The following PPM1D variants were observed in gnomAD, a reference collection of about 807,000 sequenced individuals.
PPM1D encodes the protein protein phosphatase, Mg2+/Mn2+ dependent 1D, also known as protein phosphatase 1D.
In PPM1D, 52 loss-of-function variants were observed where a neutral mutation model predicts 58.3. That is an observed-to-expected ratio of 0.89 (90% CI 0.71 to 1.12). The LOEUF (loss-of-function observed/expected upper bound fraction) is 1.12, where lower values mean the gene tolerates loss of function less well. Ranked by LOEUF, PPM1D falls within the 50% of genes most tolerant of loss-of-function variation. The probability of loss-of-function intolerance (pLI) is 0.00; values close to 1 mark genes in which losing one functional copy is unlikely to be tolerated. For missense variants in PPM1D, 564 were observed against 777.2 expected, an observed-to-expected ratio of 0.73 and a Z score of 3.26; for synonymous variants, 278 against 285.1, an observed-to-expected ratio of 0.98 and a Z score of 0.25.
chr17:60,629,413 C>T lies in PPM1D; in HGVS notation c.702-4440C>T, dbSNP rs201487029. Among the ~76,000 whole-genome samples the T allele has an allele frequency of 4.6e-5, 7 of 152,344 alleles. No homozygotes were observed. In the East Asian group the frequency reaches 1.2e-3, roughly 25 times the overall value. On this transcript the variant is annotated intron_variant, in intron 2 of 5. Coordinates refer to ENST00000305921, the MANE Select transcript of PPM1D (RefSeq NM_003620.4). The stretch of plus-strand genomic sequence containing the variant: ...AAATGGCTTCTGGCTGTCTGAATCA[C>T]TGCTGAAGACAATATCCTTGAAGCT...
At chr17:60,626,973 A>G (rs1022378007) in intron 2 of PPM1D, among the ~76,000 whole-genome samples, 1 of 151,442 alleles carries the variant, frequency 6.6e-6, no homozygotes, top group Non-Finnish European at 1.5e-5. Flanking sequence ...GATTGTTGTT[A>G]GCCATTTTTT....
At chr17:60,619,834 A>C (rs2030662156) in intron 1 of PPM1D, among the ~76,000 whole-genome samples, 1 of 152,072 alleles carries the variant, frequency 6.6e-6, no homozygotes, top group Non-Finnish European at 1.5e-5. Flanking sequence ...TCCTGGCCTC[A>C]AGCGATCTTC....
At chr17:60,611,682 G>A (rs998221605) in intron 1 of PPM1D, among the ~76,000 whole-genome samples, 1 of 152,090 alleles carries the variant, frequency 6.6e-6, no homozygotes, top group South Asian at 2.1e-4. Flanking sequence ...GCCTCCCAAA[G>A]CGCTGGGATT....
intron 1 of PPM1D, among the ~76,000 whole-genome samples, chr17:60,613,893 CCCCCCCCGCCA>C (rs953339278): frequency 2.9e-5 from 4 of 139,212 alleles, no homozygotes; most frequent in Admixed American, 7.1e-5. Context: ...ACCTGAGGCC[CCCCCCCCGCCA>C]CCCCCCCGCC....
At chr17:60,650,551 AAACAACAACAAC>A (rs145962010) in intron 4 of PPM1D, among the ~76,000 whole-genome samples, 6 of 151,396 alleles carry the variant, frequency 4.0e-5, no homozygotes, top group Admixed American at 2.6e-4. Flanking sequence ...CTCCATCTCA[AAACAACAACAAC>A]AACAACAACA....
At chr17:60,640,989 T>C (rs1490545288) in intron 3 of PPM1D, among the ~76,000 whole-genome samples, 1 of 152,152 alleles carries the variant, frequency 6.6e-6, no homozygotes, top group East Asian at 1.9e-4. Context: ...ATATTTTCTT[T>C]ATGCATTTCA....
At chr17:60,619,078 C>T (rs1197077873) in intron 1 of PPM1D, among the ~76,000 whole-genome samples, 1 of 152,226 alleles carries the variant, frequency 6.6e-6, no homozygotes, top group Non-Finnish European at 1.5e-5. Flanking sequence ...CGTCCTTCTA[C>T]TCTTTCCTTC....
At chr17:60,642,468 C>CT (rs984784741) in intron 3 of PPM1D, among the ~76,000 whole-genome samples, 40 of 145,296 alleles carry the variant, frequency 2.8e-4, no homozygotes, top group Admixed American at 6.2e-4. Flanking sequence ...CAAAGAAAAT[C>CT]TTTTTTTTTG....
At chr17:60,632,350 A>G (rs1278398184) in intron 2 of PPM1D, among the ~76,000 whole-genome samples, 2 of 152,212 alleles carry the variant, frequency 1.3e-5, no homozygotes, top group East Asian at 3.8e-4. Context: ...ACTTTGAATT[A>G]CAGAAATACC....
intron 4 of PPM1D, among the ~76,000 whole-genome samples, chr17:60,656,297 C>T (rs1429275172): frequency 3.3e-5 from 5 of 150,570 alleles, no homozygotes; most frequent in African/African-American, 1.2e-4. Flanking sequence ...ACTAAAAATA[C>T]AAAAAATTAG....
intron 3 of PPM1D, among the ~76,000 whole-genome samples, chr17:60,635,628 C>T (rs779955281): frequency 6.6e-5 from 10 of 152,164 alleles, no homozygotes; most frequent in Admixed American, 1.3e-4. Context: ...CTACAGTAAG[C>T]AGAGGAGGCT....
intron 3 of PPM1D, among the ~76,000 whole-genome samples, chr17:60,641,708 T>G (rs1338680748): frequency 6.6e-6 from 1 of 152,234 alleles, no homozygotes; most frequent in Admixed American, 6.5e-5. Flanking sequence ...TACATTTAAA[T>G]CTTTAATCCA....
At chr17:60,615,981 G>A (rs979316801) in intron 1 of PPM1D, among the ~76,000 whole-genome samples, 1 of 152,046 alleles carries the variant, frequency 6.6e-6, no homozygotes, top group African/African-American at 2.4e-5. Context: ...ATGAGTGACT[G>A]CACCCAGCTA....
rs571496559 is a variant in PPM1D at position 60,663,306 on chromosome 17, A to G, written c.1572A>G (p.Gln524=). Residue 524 remains glutamine (Q), a synonymous_variant, in exon 6 of 6, where the codon CAA becomes CAG. Transcript: ENST00000305921. ...CAACTCCTGGCCAAATGAAAGCCCA[A>G]GAAATTGAAAGAACCCCTCCAACAA... The part of the protein sequence containing the change: ...KMSTPGQMKA[Q]EIERTPPTNF... 1 of 1,614,238 alleles carries G rather than the reference A, an allele frequency of 6.2e-7. No homozygotes were observed. Among genetic ancestry groups the G allele is most frequent in the Admixed American group, 1.7e-5 (1 of 60,028 alleles).
chr17:60,606,942 A>G (rs893013490), intron 1 of PPM1D, among the ~76,000 whole-genome samples: 2 of 151,090 alleles, frequency 1.3e-5, no homozygotes, highest in Middle Eastern at 3.6e-3. Context: ...GACTACAGGC[A>G]TGTGCCTGCA....
rs868425278 is a variant in PPM1D at position 60,613,892 on chromosome 17, C to A, written c.473-9629C>A. Among the ~76,000 whole-genome samples, 483 of 124,048 alleles carry A rather than the reference C, an allele frequency of 3.9e-3. 5 individuals carry two copies. Among genetic ancestry groups the A allele is most frequent in the African/African-American group, 0.02 (469 of 22,920 alleles). 81.4% of individuals were successfully genotyped at this position (124,048 alleles called of 152,430 possible). A position where few individuals can be genotyped will look rare whatever the true frequency, so the allele number is the denominator to read the frequency against. Reference sequence around the variant, plus strand: ...ACCTGCAGCCTGCCATACCTGAGGCCCCCCCCCCGCCACCCCCCCGCCTCA... The same window carrying A: ...ACCTGCAGCCTGCCATACCTGAGGCACCCCCCCCGCCACCCCCCCGCCTCA... On this transcript the variant is annotated intron_variant, in intron 1 of 5. Coordinates refer to ENST00000305921, the MANE Select transcript of PPM1D (RefSeq NM_003620.4).
At chr17:60,613,967 G>C (rs905162512) in intron 1 of PPM1D, among the ~76,000 whole-genome samples, 21 of 31,112 alleles carry the variant, frequency 6.7e-4, no homozygotes, top group Non-Finnish European at 6.7e-3. Flanking sequence ...CACGGTGCCC[G>C]GTCCCGTCGA....
intron 3 of PPM1D, among the ~76,000 whole-genome samples, 191 bp downstream of exon 3, chr17:60,634,168 T>C (rs1049564032): frequency 2.7e-4 from 41 of 152,300 alleles, no homozygotes; most frequent in African/African-American, 9.6e-4. Flanking sequence ...CCCAGCACTT[T>C]GGGAGGCTGA....
chr17:60,600,329 A>G lies in PPM1D; in HGVS notation c.-86A>G. On this transcript the variant is annotated 5_prime_UTR_variant, in exon 1 of 6. Coordinates refer to ENST00000305921, the MANE Select transcript of PPM1D (RefSeq NM_003620.4). ...TTCTCGGCGTCGTCGAAGATAAACA[A>G]TAGTTGGCCGGCGAGCGCCTAGTGT... is the stretch of plus-strand genomic sequence containing the variant. 1 of 1,502,194 alleles carries G rather than the reference A, an allele frequency of 6.7e-7. No homozygotes were observed. Among genetic ancestry groups the G allele is most frequent in the South Asian group, 1.2e-5 (1 of 81,100 alleles). 93.1% of individuals were successfully genotyped at this position (1,502,194 alleles called of 1,614,324 possible).
Sources: allele counts gnomAD v4.1 joint callset (sites outside exome capture counted in the v4.1 genomes callset), GRCh38; gene constraint gnomAD v4.1.1; transcripts MANE v1.5; gene names NCBI Gene and HGNC (gene_info 2026-07-23, HGNC 2026-07-21).